The following FRAS1 variants were observed in gnomAD, a reference collection of about 807,000 sequenced individuals.
The protein encoded by FRAS1 is Fraser extracellular matrix complex subunit 1.
FRAS1 carries 290 observed loss-of-function variants against 435.2 expected under a neutral mutation model. The ratio of observed to expected loss-of-function variants is 0.67; its 90% CI spans 0.61 to 0.73. The LOEUF (loss-of-function observed/expected upper bound fraction) is 0.73. Among genes scored for constraint, FRAS1 ranks in the 30% least tolerant of loss-of-function variants. The pLI is 0.00. For synonymous variants in FRAS1, 1,800 were observed against 1,851.0 expected (o/e 0.97, Z 0.71); for missense variants, 4,860 against 5,001.5 (o/e 0.97, Z 0.85).
In FRAS1 at chr4:78,434,711, C is replaced by G. The variant is rs113005324; in HGVS notation, c.5217+2107C>G. ...AGGAGCCAGATATGAGATCAACAGA[C>G]AGCAATAGCATTTCTATATATAAGC... On this transcript the variant is annotated intron_variant, in intron 38 of 73. Coordinates refer to ENST00000512123, the MANE Select transcript of FRAS1 (RefSeq NM_025074.7). Among the ~76,000 whole-genome samples the G allele has an allele frequency of 3.3e-3, 495 of 152,012 alleles. 2 individuals are homozygous for G. Among genetic ancestry groups the G allele is most frequent in the African/African-American group, 0.011 (465 of 41,438 alleles).
At chr4:78,511,038 A>G (rs891271332) in intron 63 of FRAS1, among the ~76,000 whole-genome samples, 1 of 152,212 alleles carries the variant, frequency 6.6e-6, no homozygotes, top group Non-Finnish European at 1.5e-5. Flanking sequence ...TGTGCTCCAC[A>G]TCTGTCTACT....
In FRAS1 at chr4:78,216,044, T is replaced by C. The variant is rs2110090239; in HGVS notation, c.109-21466T>C. Reference sequence around the variant, plus strand: ...TGTTATTGTAGAACCTGTAATACTATGTCATTTCTTACAGATCCTGGGCTT... The same window carrying C: ...TGTTATTGTAGAACCTGTAATACTACGTCATTTCTTACAGATCCTGGGCTT... On this transcript the variant is annotated intron_variant, in intron 2 of 73. Transcript: ENST00000512123. Among the ~76,000 whole-genome samples, 2 of 152,388 alleles carry C rather than the reference T, an allele frequency of 1.3e-5. 1 individual carries two copies. The highest frequency in any genetic ancestry group is 4.8e-5 in the African/African-American group (2 of 41,598).
chr4:78,394,063 A>AT (rs1560701868), intron 29 of FRAS1, among the ~76,000 whole-genome samples: 1 of 151,534 alleles, frequency 6.6e-6, no homozygotes, highest in African/African-American at 2.4e-5. Flanking sequence ...AATTATTTGA[A>AT]TTTTTTTGCT....
At chr4:78,211,675 T>G (rs1191151932) in intron 2 of FRAS1, among the ~76,000 whole-genome samples, 1 of 151,530 alleles carries the variant, frequency 6.6e-6, no homozygotes, top group African/African-American at 2.4e-5. Context: ...CATTAAGTAA[T>G]CCCCTCTTTT....
intron 2 of FRAS1, among the ~76,000 whole-genome samples, chr4:78,097,536 C>A (rs1405832226): frequency 6.6e-6 from 1 of 152,200 alleles, no homozygotes; most frequent in Non-Finnish European, 1.5e-5. Context: ...TTCCATCTCA[C>A]AATCATGGTG....
At chr4:78,389,401 A>T (rs79533226) in intron 29 of FRAS1, among the ~76,000 whole-genome samples, 2 of 152,216 alleles carry the variant, frequency 1.3e-5, no homozygotes, top group African/African-American at 4.8e-5. Flanking sequence ...ATTGAGCCTC[A>T]TGAAGGTGAA....
At chr4:78,519,265 T>C in intron 66 of FRAS1, 66 bp from the exon 67 acceptor site, 1 of 1,367,544 alleles carries the variant, frequency 7.3e-7, no homozygotes, top group Non-Finnish European at 9.6e-7. Context: ...AACCAAGATG[T>C]GGTGATAGTA....
intron 29 of FRAS1, among the ~76,000 whole-genome samples, chr4:78,398,423 C>T (rs1203293512): frequency 6.6e-6 from 1 of 152,196 alleles, no homozygotes; most frequent in Non-Finnish European, 1.5e-5. Flanking sequence ...CTGCTAGTCT[C>T]TGCACATTGA....
chr4:78,139,597 T>G (rs1292068306), intron 2 of FRAS1, among the ~76,000 whole-genome samples: 1 of 152,172 alleles, frequency 6.6e-6, no homozygotes, highest in African/African-American at 2.4e-5. Context: ...TAGCCAGTAC[T>G]CCACAGTGGG....
At chr4:78,203,046 G>T (rs989544766) in intron 2 of FRAS1, among the ~76,000 whole-genome samples, 5 of 152,194 alleles carry the variant, frequency 3.3e-5, no homozygotes, top group African/African-American at 1.2e-4. Context: ...GTGTTGCTTG[G>T]TACTTGGGGT....
At chr4:78,171,456 T>C (rs148763760) in intron 2 of FRAS1, among the ~76,000 whole-genome samples, 2 of 152,284 alleles carry the variant, frequency 1.3e-5, no homozygotes, top group East Asian at 3.9e-4. Flanking sequence ...AAATATCATA[T>C]ACTATGCTTA....
chr4:78,219,308 A>G (rs1723940785), intron 2 of FRAS1, among the ~76,000 whole-genome samples: 2 of 152,186 alleles, frequency 1.3e-5, no homozygotes, highest in Admixed American at 6.5e-5. Flanking sequence ...TTTCATGAGT[A>G]TGTTTTATTT....
chr4:78,289,998 G>A (rs1430138990), intron 14 of FRAS1, among the ~76,000 whole-genome samples: 1 of 152,160 alleles, frequency 6.6e-6, no homozygotes, highest in Non-Finnish European at 1.5e-5. Context: ...GCCAGGTCCT[G>A]AGAACATTCT....
intron 2 of FRAS1, among the ~76,000 whole-genome samples, chr4:78,130,476 G>A (rs907945523): frequency 2.0e-5 from 3 of 152,126 alleles, no homozygotes; most frequent in Non-Finnish European, 4.4e-5. Context: ...AGATCAGAAC[G>A]TGCACACTTT....
At chr4:78,058,455 T>C (rs1446985400) in intron 1 of FRAS1, among the ~76,000 whole-genome samples, 1 of 152,124 alleles carries the variant, frequency 6.6e-6, no homozygotes, top group East Asian at 1.9e-4. Flanking sequence ...ACAATTGCTC[T>C]TACCTGTTTA....
intron 34 of FRAS1, among the ~76,000 whole-genome samples, chr4:78,423,984 G>A (rs1214747612): frequency 6.6e-6 from 1 of 152,144 alleles, no homozygotes; most frequent in Non-Finnish European, 1.5e-5. Context: ...CTCTCACATG[G>A]TTACAGTGTG....
intron 2 of FRAS1, among the ~76,000 whole-genome samples, chr4:78,203,685 GC>G (rs772112967): frequency 5.1e-4 from 77 of 152,224 alleles, no homozygotes; most frequent in Non-Finnish European, 7.6e-4. Context: ...TCCTGCTTCA[GC>G]CTCCTGAGTA....
chr4:78,384,249 T>A (rs1258765058), intron 28 of FRAS1, 106 bp downstream of exon 28: 1 of 851,888 alleles, frequency 1.2e-6, no homozygotes, highest in Non-Finnish European at 1.8e-6. Context: ...ATTAAATTAA[T>A]CTAGTCTTGG....
intron 2 of FRAS1, among the ~76,000 whole-genome samples, chr4:78,217,854 CCCCTT>C (rs1333715983): frequency 1.4e-5 from 1 of 71,224 alleles, no homozygotes; most frequent in African/African-American, 5.5e-5. Context: ...CTCTTCCCCT[CCCCTT>C]CCCCTCTCCT....
Sources: allele counts gnomAD v4.1 joint callset (sites outside exome capture counted in the v4.1 genomes callset), GRCh38; gene constraint gnomAD v4.1.1; transcripts MANE v1.5; gene names NCBI Gene and HGNC (gene_info 2026-07-23, HGNC 2026-07-21).